ZNF302: variants seen among roughly 807,000 people sequenced by gnomAD.
ZNF302 encodes zinc finger protein 327.
ZNF302 carries 12 observed loss-of-function variants against 10.8 expected under a neutral mutation model. The observed-to-expected ratio is 1.11, with a 90% CI of 0.71 to 1.79. ZNF302 has a LOEUF of 1.79. ZNF302 is among the 40% of genes most tolerant of loss of function. The pLI, the probability that ZNF302 is intolerant of heterozygous loss-of-function variation, is 0.00. For missense variants in ZNF302, 461 were observed against 471.1 expected (o/e 0.98, Z 0.20); for synonymous variants, 178 against 157.5 (o/e 1.13, Z -0.98).
chr19:34,678,946 G>A, intron 2 of ZNF302, 133 bp downstream of exon 2: 1 of 1,047,878 alleles, frequency 9.5e-7, no homozygotes, highest in East Asian at 2.5e-5. Context: ...TTCACTATAG[G>A]AAGAATGGAG....
At position 34,684,240 on chromosome 19, in the gene ZNF302, G is replaced by C. The variant is rs1399772775; in HGVS notation, c.215-12G>C. 3 of 1,055,394 alleles carry C rather than the reference G, an allele frequency of 2.8e-6. No homozygotes were observed. Among genetic ancestry groups the C allele is most frequent in the Non-Finnish European group, 3.9e-6 (3 of 770,494 alleles). The allele number at this position is 1,055,394 out of a possible 1,614,324, so 65.4% of individuals were successfully genotyped here. ...AAAAAAGGCAGTGCTTTGCTTTCTT[G>C]ATATATTTCAGATTGGGAATCAAGA... is the stretch of plus-strand genomic sequence containing the variant. On this transcript the variant is annotated splice_polypyrimidine_tract_variant and intron_variant, in intron 4 of 4. Coordinates refer to ENST00000505242, the MANE Select transcript of ZNF302 (RefSeq NM_001289187.2).
intron 2 of ZNF302, chr19:34,679,929 C>T (rs1272120555): frequency 1.4e-6 from 1 of 702,970 alleles, no homozygotes; most frequent in Non-Finnish European, 2.6e-6. Flanking sequence ...AGAATCATGG[C>T]ATGGAAGGTG....
At chr19:34,677,289 G>C (rs1471779904), upstream of ZNF302, 3 of 152,200 alleles carry the variant, frequency 2.0e-5, no homozygotes, top group Admixed American at 1.3e-4. Flanking sequence ...GTCTCGGAGG[G>C]AAACGTTTGT....
chr19:34,677,489 C>G (rs1205362676), upstream of ZNF302: 1 of 152,310 alleles, frequency 6.6e-6, no homozygotes, highest in Non-Finnish European at 1.5e-5. Context: ...GGCTCTAGGT[C>G]GACGGCCCCA....
At position 34,685,482 on chromosome 19, in the gene ZNF302, A is replaced by T. The variant is rs1305393649; in HGVS notation, c.*245A>T. ...ATTCATACTGGAGAAAAGCCATATA[A>T]ATGTAGTGAGTGTGGGAAAGCTTTT... On this transcript the variant is annotated 3_prime_UTR_variant, in exon 5 of 5. Transcript: ENST00000505242. 7.6e-6 allele frequency: 12 copies of T among 1,588,386 alleles called. No individual in the cohort carries two copies. The East Asian group carries it at 2.7e-4, about 36-fold the overall frequency.
At chr19:34,681,568 A>C (rs1356034757) in intron 2 of ZNF302, 1 of 152,246 alleles carries the variant, frequency 6.6e-6, no homozygotes, top group African/African-American at 2.4e-5. Context: ...TCTACCTCAG[A>C]TCATCAGGCA....
Position 34,685,615 on chromosome 19 carries a change from T to G in ZNF302, c.*378T>G, listed in dbSNP as rs2068621461. Reference sequence around the variant, plus strand: ...TAGATCATATGAATCCCTATACATGTGAGAAATCTTACAGAAGAGAAGCAG... The same window carrying G: ...TAGATCATATGAATCCCTATACATGGGAGAAATCTTACAGAAGAGAAGCAG... On this transcript the variant is annotated 3_prime_UTR_variant, in exon 5 of 5. Transcript: ENST00000505242. 2 of 1,101,614 alleles carry G rather than the reference T, an allele frequency of 1.8e-6. No individual in the cohort carries two copies. The highest frequency in any genetic ancestry group is 2.7e-6 in the Non-Finnish European group (2 of 732,916). The allele number at this position is 1,101,614 out of a possible 1,614,324, so 68.2% of individuals were successfully genotyped here.
chr19:34,684,157 C>A, intron 4 of ZNF302, 95 bp from the exon 5 acceptor site: 1 of 811,000 alleles, frequency 1.2e-6, no homozygotes, highest in Non-Finnish European at 1.7e-6. Flanking sequence ...ACTGTAGAAG[C>A]TTTTTTCAAG....
Position 34,684,426 on chromosome 19 carries a change from CAA to C in ZNF302, c.391_392del (p.Lys131ValfsTer5), listed in dbSNP as rs1249163254. 8 of 1,612,814 alleles carry C rather than the reference CAA, an allele frequency of 5.0e-6. No homozygotes were observed. The highest frequency in any genetic ancestry group is 5.9e-6 in the Non-Finnish European group (7 of 1,179,336). On this transcript the variant is annotated frameshift_variant, in exon 5 of 5. Coordinates refer to ENST00000505242, the MANE Select transcript of ZNF302 (RefSeq NM_001289187.2). LOFTEE classifies it low-confidence loss of function (END_TRUNC). ...GACACATTTAGAAGCACCTTTCATTCAAAGTCTACTCTTTCTGAACCACAAAA... is the reference window on the plus strand; with the variant it reads ...GACACATTTAGAAGCACCTTTCATTCAGTCTACTCTTTCTGAACCACAAAA...
intron 2 of ZNF302, 129 bp downstream of exon 2, chr19:34,678,942 A>G (rs1428972664): frequency 8.2e-6 from 9 of 1,095,818 alleles, no homozygotes; most frequent in Non-Finnish European, 1.1e-5. Flanking sequence ...TCCTTTCACT[A>G]TAGGAAGAAT....
In ZNF302 at chr19:34,685,757, G is replaced by C. The variant is rs1271446302; in HGVS notation, c.*520G>C. On this transcript the variant is annotated 3_prime_UTR_variant, in exon 5 of 5. Transcript: ENST00000505242. Reference sequence around the variant, plus strand: ...ATGGGAGACTTTTAGCAATGATGCAGATTTTTTTATTAGAGTTTATACTGT... The same window carrying C: ...ATGGGAGACTTTTAGCAATGATGCACATTTTTTTATTAGAGTTTATACTGT... 4 of 550,808 alleles carry C rather than the reference G, an allele frequency of 7.3e-6. No individual in the cohort carries two copies. The highest frequency in any genetic ancestry group is 5.6e-5 in the East Asian group (2 of 35,420). 34.1% of individuals were successfully genotyped at this position (550,808 alleles called of 1,614,324 possible).
At chr19:34,677,499 A>G (rs2068013071), upstream of ZNF302, 1 of 152,296 alleles carries the variant, frequency 6.6e-6, no homozygotes, top group Non-Finnish European at 1.5e-5. Flanking sequence ...CGACGGCCCC[A>G]GGCGGTTAAG....
In ZNF302 at chr19:34,685,618, GAA is replaced by G. The variant is rs1224511599; in HGVS notation, c.*383_*384del. On this transcript the variant is annotated 3_prime_UTR_variant, in exon 5 of 5. Coordinates refer to ENST00000505242, the MANE Select transcript of ZNF302 (RefSeq NM_001289187.2). ...ATCATATGAATCCCTATACATGTGA[GAA>G]ATCTTACAGAAGAGAAGCAGTGTTT... 4.6e-6 allele frequency: 5 copies of G among 1,077,252 alleles called. No individual in the cohort carries two copies. The highest frequency in any genetic ancestry group is 7.0e-6 in the Non-Finnish European group (5 of 711,316). The allele number at this position is 1,077,252 out of a possible 1,614,324, so 66.7% of individuals were successfully genotyped here. A position where few individuals can be genotyped will look rare whatever the true frequency, so the allele number is the denominator to read the frequency against.
rs370752645 is a variant in ZNF302 at position 34,684,802 on chromosome 19, A to G, written c.765A>G (p.Lys255=). The change falls in exon 5 of 5, where the codon AAA becomes AAG. Residue 255 remains lysine, a synonymous_variant. Coordinates refer to ENST00000505242, the MANE Select transcript of ZNF302 (RefSeq NM_001289187.2). ...ATCAGATAAGCCATAGTGGAGAGAA[A>G]CCTTACAAATGCATTGAATGTGGGA... ...TRHQISHSGE[K]PYKCIECGKA... is the part of the protein sequence containing the mutation. 37 of 1,613,824 alleles carry G rather than the reference A, an allele frequency of 2.3e-5. No individual in the cohort carries two copies. In the African/African-American group the frequency reaches 4.3e-4, roughly 19 times the overall value.
chr19:34,685,660 C>A lies in ZNF302; in HGVS notation c.*423C>A. On this transcript the variant is annotated 3_prime_UTR_variant, in exon 5 of 5. Coordinates refer to ENST00000505242, the MANE Select transcript of ZNF302 (RefSeq NM_001289187.2). ...AAGCAGTGTTTATCACGGTAAACTTCATTCATAGATCCTCCCTTATTTAAC... is the reference window on the plus strand; with the variant it reads ...AAGCAGTGTTTATCACGGTAAACTTAATTCATAGATCCTCCCTTATTTAAC... The A allele has an allele frequency of 2.5e-6, 2 of 784,876 alleles. No homozygotes were observed. The highest frequency in any genetic ancestry group is 4.3e-6 in the Non-Finnish European group (2 of 468,936). 48.6% of individuals were successfully genotyped at this position (784,876 alleles called of 1,614,324 possible).
chr19:34,678,894 C>T (rs1013023583), intron 2 of ZNF302, 81 bp downstream of exon 2: 2 of 1,552,898 alleles, frequency 1.3e-6, no homozygotes, highest in African/African-American at 1.4e-5. Flanking sequence ...TGCCTGTTCC[C>T]ACCTAATCAA....
intron 4 of ZNF302, 81 bp from the exon 5 acceptor site, chr19:34,684,171 T>TAAAAAAAAAAAAAA: frequency 2.3e-6 from 2 of 878,146 alleles, no homozygotes; most frequent in East Asian, 6.5e-5. Context: ...TTTCAAGAAG[T>TAAAAAAAAAAAAAA]AAAAAAAAAA....
In ZNF302 at chr19:34,685,661, AT is replaced by A; in HGVS notation, c.*426del. 1.3e-6 allele frequency: 1 copy of A among 785,906 alleles called. No homozygotes were observed. Among genetic ancestry groups the A allele is most frequent in the Non-Finnish European group, 2.1e-6 (1 of 469,678 alleles). The allele number at this position is 785,906 out of a possible 1,614,324, so 48.7% of individuals were successfully genotyped here. On this transcript the variant is annotated 3_prime_UTR_variant, in exon 5 of 5. Coordinates refer to ENST00000505242, the MANE Select transcript of ZNF302 (RefSeq NM_001289187.2). ...AGCAGTGTTTATCACGGTAAACTTC[AT>A]TCATAGATCCTCCCTTATTTAACAT...
intron 2 of ZNF302, 123 bp from the exon 3 acceptor site, chr19:34,682,654 C>T (rs2068900956): frequency 7.0e-7 from 1 of 1,430,966 alleles, no homozygotes; most frequent in Non-Finnish European, 9.5e-7. Context: ...ATCACATTCC[C>T]AGTCATTGTC....
Sources: gnomAD v4.1 joint callset for allele counts on GRCh38, gnomAD v4.1.1 for gene constraint, MANE v1.5 for transcripts, NCBI Gene and HGNC (gene_info 2026-07-23, HGNC 2026-07-21) for gene names.